Variants in SCN4A observed in about 807,000 individuals in gnomAD.
The protein encoded by SCN4A is sodium voltage-gated channel alpha subunit 4, also known as sodium channel protein type 4 subunit alpha.
Under a neutral mutation model 162.0 loss-of-function variants are expected in SCN4A, and 83 were observed. That is an observed-to-expected ratio of 0.51 (90% CI 0.43 to 0.61). SCN4A has a LOEUF of 0.61. Ranked by LOEUF, SCN4A falls within the 20% of genes least tolerant of loss-of-function variation. The probability of loss-of-function intolerance (pLI) is 0.00; values close to 1 mark genes in which losing one functional copy is unlikely to be tolerated. For synonymous variants in SCN4A, 944 were observed against 985.1 expected, an observed-to-expected ratio of 0.96 and a Z score of 0.78; for missense variants, 2,196 against 2,462.5, an observed-to-expected ratio of 0.89 and a Z score of 2.29.
At position 63,963,775 on chromosome 17, in the gene SCN4A, G is replaced by C; in HGVS notation, c.1503C>G (p.Ala501=). 1 of 1,608,226 alleles carries C rather than the reference G, an allele frequency of 6.2e-7. No homozygotes were observed. Among genetic ancestry groups the C allele is most frequent in the East Asian group, 2.2e-5 (1 of 44,696 alleles). The change falls in exon 10 of 24, where the codon GCC becomes GCG. Residue 501 remains alanine, a synonymous_variant. Transcript: ENST00000435607. Reference sequence around the variant, plus strand: ...GGCTGCCATTGCAGTCTTTGCCATGGGCTGGGTCCCCATCTGCCTCCCCAC... The same window carrying C: ...GGCTGCCATTGCAGTCTTTGCCATGCGCTGGGTCCCCATCTGCCTCCCCAC... ...LEGGEADGDP[A]HGKDCNGSLD...
At chr17:63,963,579 G>A in intron 10 of SCN4A, 93 bp downstream of exon 10, 1 of 1,352,938 alleles carries the variant, frequency 7.4e-7, no homozygotes, top group Non-Finnish European at 9.7e-7. Flanking sequence ...GGGGCACAGG[G>A]CACTCACCTT....
chr17:63,956,914 T>G (rs754083870), intron 13 of SCN4A, among the ~76,000 whole-genome samples: 3 of 152,224 alleles, frequency 2.0e-5, no homozygotes, highest in Non-Finnish European at 4.4e-5. Context: ...TTGTCAGAAA[T>G]GCAGGTCCCC....
chr17:63,966,071 G>A, intron 8 of SCN4A, 31 bp downstream of exon 8: 1 of 1,535,594 alleles, frequency 6.5e-7, no homozygotes, highest in African/African-American at 1.4e-5. Flanking sequence ...AGTGGCTGTA[G>A]GGTTGGGGGG....
chr17:63,961,509 C>T (rs1909255759), intron 10 of SCN4A, 78 bp from the exon 11 acceptor site: 1 of 1,068,870 alleles, frequency 9.4e-7, no homozygotes, highest in Admixed American at 1.7e-5. Context: ...AGCTTTTGTT[C>T]CACCTTCCAA....
At chr17:63,948,480 T>A in intron 16 of SCN4A, 131 bp downstream of exon 16, 2 of 740,178 alleles carry the variant, frequency 2.7e-6, no homozygotes, top group East Asian at 5.5e-5. Context: ...CACAGCGAGT[T>A]CCTTTAGGAT....
At position 63,940,602 on chromosome 17, in the gene SCN4A, AG is replaced by A; in HGVS notation, c.*168del. On this transcript the variant is annotated 3_prime_UTR_variant, in exon 24 of 24. Coordinates refer to ENST00000435607, the MANE Select transcript of SCN4A (RefSeq NM_000334.4). ...CCCATTTCCCATGGTCTGGGAACGC[AG>A]GCGCTCGGGCCTGGGTGTCAGCCCC... is the stretch of plus-strand genomic sequence containing the variant. 1.4e-6 allele frequency: 1 copy of A among 700,364 alleles called. No individual in the cohort carries two copies. The highest frequency in any genetic ancestry group is 2.8e-5 in the South Asian group (1 of 35,316). The allele number at this position is 700,364 out of a possible 1,614,324, so 43.4% of individuals were successfully genotyped here. A position where few individuals can be genotyped will look rare whatever the true frequency, so the allele number is the denominator to read the frequency against.
rs751967597 is a variant in SCN4A at position 63,948,073 on chromosome 17, C to G, written c.3145-10G>C. The G allele has an allele frequency of 3.7e-5, 59 of 1,588,156 alleles. No individual in the cohort carries two copies. The highest frequency in any genetic ancestry group is 5.0e-5 in the Non-Finnish European group (58 of 1,161,400). ...AGATGTCCTCGAAGGCCTGGGGGCACCAGCACCACCAGGGTGGCTGGGGTC... is the reference window on the plus strand; with the variant it reads ...AGATGTCCTCGAAGGCCTGGGGGCAGCAGCACCACCAGGGTGGCTGGGGTC... On this transcript the variant is annotated splice_polypyrimidine_tract_variant and intron_variant, in intron 16 of 23. Coordinates refer to ENST00000435607, the MANE Select transcript of SCN4A (RefSeq NM_000334.4).
At position 63,972,073 on chromosome 17, in the gene SCN4A, G is replaced by A. The variant is rs1909627237; in HGVS notation, c.482+63C>T. On this transcript the variant is annotated intron_variant, in intron 3 of 23. Transcript: ENST00000435607. The surrounding 1 kb of genome is among the most constrained non-coding windows in gnomAD (Gnocchi z 4.3). ...AAGACAAGAGCAGCACCACACAGAGGTGCAAACACCTGAGATGGGCTGTGT... is the reference window on the plus strand; with the variant it reads ...AAGACAAGAGCAGCACCACACAGAGATGCAAACACCTGAGATGGGCTGTGT... The A allele has an allele frequency of 1.5e-6, 2 of 1,303,636 alleles. No homozygotes were observed. Among genetic ancestry groups the A allele is most frequent in the African/African-American group, 2.9e-5 (2 of 68,674 alleles). The allele number at this position is 1,303,636 out of a possible 1,614,324, so 80.8% of individuals were successfully genotyped here. A position where few individuals can be genotyped will look rare whatever the true frequency, so the allele number is the denominator to read the frequency against.
At chr17:63,963,636 C>A (rs1302123687) in intron 10 of SCN4A, 36 bp downstream of exon 10, 10 of 1,511,412 alleles carry the variant, frequency 6.6e-6, no homozygotes, top group Non-Finnish European at 8.8e-6. Context: ...AGGCTCCACC[C>A]CTACCTAAGT....
intron 8 of SCN4A, 86 bp from the exon 9 acceptor site, chr17:63,964,763 G>C: frequency 9.8e-7 from 1 of 1,018,558 alleles, no homozygotes; most frequent in South Asian, 1.5e-5. Context: ...TCCATTGCCC[G>C]CATGGGTAAG....
rs775998468 is a variant in SCN4A, at chr17:63,972,788, G to A, written c.54C>T (p.Arg18=). The change falls in exon 1 of 24, where the codon CGC becomes CGT. Residue 18 remains arginine (R), a synonymous_variant. Coordinates refer to ENST00000435607, the MANE Select transcript of SCN4A (RefSeq NM_000334.4). This position sits in a 1 kb window ranked among gnomAD's most constrained non-coding sequence, Gnocchi z 4.3. The part of the protein sequence containing the change: ...TLVPLGPECL[R]PFTRESLAAI... ...CTGCCAGTGACTCCCGGGTGAAGGGGCGCAAGCACTCAGGGCCCAGAGGCA... is the reference window on the plus strand; with the variant it reads ...CTGCCAGTGACTCCCGGGTGAAGGGACGCAAGCACTCAGGGCCCAGAGGCA... 9 of 1,613,582 alleles carry A rather than the reference G, an allele frequency of 5.6e-6. No homozygotes were observed. The highest frequency in any genetic ancestry group is 7.6e-6 in the Non-Finnish European group (9 of 1,179,818).
intron 12 of SCN4A, 79 bp downstream of exon 12, chr17:63,959,186 C>T: frequency 3.7e-6 from 5 of 1,348,180 alleles, no homozygotes; most frequent in Non-Finnish European, 5.1e-6. Flanking sequence ...GGGGTTTCTC[C>T]TCCCATCCCT....
chr17:63,961,580 G>T, intron 10 of SCN4A, 149 bp from the exon 11 acceptor site: 1 of 627,498 alleles, frequency 1.6e-6, no homozygotes, highest in Admixed American at 2.6e-5. Flanking sequence ...AAGTTCCACC[G>T]CCTCTTGCGT....
chr17:63,966,205 C>A lies in SCN4A; in HGVS notation c.1139G>T (p.Arg380Leu). Reference protein sequence around the residue: ...PEGYECIKTGRNPNYGYTSYD... With the variant: ...PEGYECIKTGLNPNYGYTSYD... ...GCTGGTGTAGCCATAGTTGGGGTTCCGCCCGGTCTTGATGCACTCATAACC... is the reference window on the plus strand; with the variant it reads ...GCTGGTGTAGCCATAGTTGGGGTTCAGCCCGGTCTTGATGCACTCATAACC... The change falls in exon 8 of 24, where the codon CGG becomes CTG. Residue 380 changes from arginine (R) to leucine (L), a missense_variant. Arg to Leu is a moderately radical substitution (Grantham distance 102). Coordinates refer to ENST00000435607, the MANE Select transcript of SCN4A (RefSeq NM_000334.4). 1 of 1,602,866 alleles carries A rather than the reference C, an allele frequency of 6.2e-7. No individual in the cohort carries two copies. The highest frequency in any genetic ancestry group is 8.5e-7 in the Non-Finnish European group (1 of 1,174,892).
chr17:63,967,352 C>T (rs908629373), intron 6 of SCN4A, among the ~76,000 whole-genome samples: 2 of 151,996 alleles, frequency 1.3e-5, no homozygotes, highest in Non-Finnish European at 2.9e-5. Flanking sequence ...GGGGTTTCAC[C>T]ACGTTGGTCA....
intron 11 of SCN4A, among the ~76,000 whole-genome samples, chr17:63,960,122 C>T (rs1441737469): frequency 4.6e-5 from 7 of 152,236 alleles, no homozygotes; most frequent in Admixed American, 3.9e-4. Flanking sequence ...TCCCTGGGCA[C>T]GGCCCCCCTC....
chr17:63,948,277 G>C (rs1231699795), intron 16 of SCN4A, among the ~76,000 whole-genome samples: 1 of 152,082 alleles, frequency 6.6e-6, no homozygotes. Flanking sequence ...CCTTCTCCAA[G>C]CCCAACAACA....
chr17:63,941,263 C>T lies in SCN4A; in HGVS notation c.5019G>A (p.Lys1673=), dbSNP rs760227037. 1 of 1,613,854 alleles carries T rather than the reference C, an allele frequency of 6.2e-7. No individual in the cohort carries two copies. Among genetic ancestry groups the T allele is most frequent in the Non-Finnish European group, 8.5e-7 (1 of 1,179,858 alleles). Residue 1673 remains lysine (K), a synonymous_variant, in exon 24 of 24, where the codon AAG becomes AAA. Coordinates refer to ENST00000435607, the MANE Select transcript of SCN4A (RefSeq NM_000334.4). This position sits in a 1 kb window ranked among gnomAD's most constrained non-coding sequence, Gnocchi z 6.2. ...CAAAGAGGATGTCCAGGCAGTGGAT[C>T]TTGTCCCCTGGCACCATGGGCAAGT... ...TLDLPMVPGD[K]IHCLDILFAL...
intron 13 of SCN4A, among the ~76,000 whole-genome samples, chr17:63,952,386 C>T (rs1908941645): frequency 6.6e-6 from 1 of 152,054 alleles, no homozygotes; most frequent in Non-Finnish European, 1.5e-5. Flanking sequence ...TCTCAAACTC[C>T]TGACCTCAAG....
Sources: allele counts gnomAD v4.1 joint callset (sites outside exome capture counted in the v4.1 genomes callset), GRCh38; gene constraint gnomAD v4.1.1; non-coding constraint Gnocchi (gnomAD v3.1); transcripts MANE v1.5; gene names NCBI Gene and HGNC (gene_info 2026-07-23, HGNC 2026-07-21).